KSR2: variants seen among roughly 807,000 people sequenced by gnomAD.
KSR2 encodes the protein kinase suppressor of ras 2.
In KSR2, 25 loss-of-function variants were observed where a neutral mutation model predicts 107.8. That is an observed-to-expected ratio of 0.23 (90% confidence interval 0.17 to 0.32). The LOEUF (loss-of-function observed/expected upper bound fraction) is 0.32, where lower values mean the gene tolerates loss of function less well. KSR2 is among the 10% of genes least tolerant of loss of function. KSR2 has a pLI of 1.00. For missense variants in KSR2, 887 were observed against 1,268.9 expected, an observed-to-expected ratio of 0.70 and a Z score of 4.57; for synonymous variants, 480 against 507.0, an observed-to-expected ratio of 0.95 and a Z score of 0.71.
intron 5 of KSR2, among the ~76,000 whole-genome samples, chr12:117,594,403 T>C (rs1298146479): frequency 1.3e-5 from 2 of 152,224 alleles, no homozygotes; most frequent in African/African-American, 4.8e-5. Flanking sequence ...TCCGAAGAGA[T>C]GTCACACTGT....
At chr12:117,471,974 T>C (rs935891276) in intron 17 of KSR2, among the ~76,000 whole-genome samples, 1 of 151,942 alleles carries the variant, frequency 6.6e-6, no homozygotes, top group African/African-American at 2.4e-5. Flanking sequence ...TTTTCTTTTA[T>C]ACTTGTCCTT....
intron 12 of KSR2, 37 bp downstream of exon 12, chr12:117,530,904 G>T (rs374894963): frequency 6.3e-7 from 1 of 1,583,804 alleles, no homozygotes; most frequent in Non-Finnish European, 8.7e-7. Flanking sequence ...GGGCTGGGAA[G>T]CTTGGGAAAG....
rs1376612614 is a variant in KSR2, at chr12:117,897,371, T to C, written c.181-36940A>G. ...GACCCAGCAAGTCTGAGATCTCGGC[T>C]TCTTTTAAGAAAAAAAGAAAGCGCT... On this transcript the variant is annotated intron_variant, in intron 1 of 19. Coordinates refer to ENST00000339824, the MANE Select transcript of KSR2 (RefSeq NM_173598.6). This position sits in a 1 kb window ranked among gnomAD's most constrained non-coding sequence, Gnocchi z 4.5. Among the ~76,000 whole-genome samples the C allele has an allele frequency of 6.6e-6, 1 of 152,154 alleles. No homozygotes were observed. Among genetic ancestry groups the C allele is most frequent in the Non-Finnish European group, 1.5e-5 (1 of 68,026 alleles).
intron 4 of KSR2, among the ~76,000 whole-genome samples, chr12:117,732,797 A>G (rs2136741400): frequency 6.6e-6 from 1 of 152,308 alleles, no homozygotes; most frequent in Admixed American, 6.5e-5. Context: ...ACCAGTGACC[A>G]GACAGCCCCT....
intron 5 of KSR2, among the ~76,000 whole-genome samples, chr12:117,644,287 A>C (rs1395064020): frequency 6.6e-6 from 1 of 152,172 alleles, no homozygotes; most frequent in Non-Finnish European, 1.5e-5. Context: ...ACAGTCTAAA[A>C]CCTGTTTTTA....
intron 5 of KSR2, among the ~76,000 whole-genome samples, chr12:117,588,653 CAG>C (rs1880145010): frequency 6.6e-6 from 1 of 152,220 alleles, no homozygotes; most frequent in Non-Finnish European, 1.5e-5. Context: ...TTATCAGACT[CAG>C]AGCAAATCTG....
chr12:117,703,345 G>T (rs55921288), intron 4 of KSR2, among the ~76,000 whole-genome samples: 1 of 151,964 alleles, frequency 6.6e-6, no homozygotes, highest in African/African-American at 2.4e-5. Flanking sequence ...GAGGTGCCTA[G>T]GATACTAAAT....
chr12:117,915,421 T>C (rs1420499119), intron 1 of KSR2, among the ~76,000 whole-genome samples: 3 of 152,226 alleles, frequency 2.0e-5, no homozygotes, highest in Non-Finnish European at 4.4e-5. Context: ...AGAATTTCCA[T>C]ATGTAAATTT....
At chr12:117,892,885 C>G (rs993956264) in intron 1 of KSR2, among the ~76,000 whole-genome samples, 2 of 151,392 alleles carry the variant, frequency 1.3e-5, no homozygotes, top group African/African-American at 4.9e-5. Context: ...AAATGCAGGA[C>G]TGTGGCTGCC....
At chr12:117,653,903 C>T (rs904323656) in intron 5 of KSR2, among the ~76,000 whole-genome samples, 2 of 152,176 alleles carry the variant, frequency 1.3e-5, no homozygotes, top group Non-Finnish European at 2.9e-5. Flanking sequence ...GCTGCTCTGC[C>T]ACTTGGGCCA....
chr12:117,595,610 G>T (rs578145886), intron 5 of KSR2, among the ~76,000 whole-genome samples: 1 of 151,982 alleles, frequency 6.6e-6, no homozygotes, highest in Admixed American at 6.6e-5. Context: ...TGATCCACCC[G>T]CCTCGGCCTC....
At chr12:117,961,374 T>A (rs1896652353) in intron 1 of KSR2, among the ~76,000 whole-genome samples, 1 of 152,098 alleles carries the variant, frequency 6.6e-6, no homozygotes, top group Non-Finnish European at 1.5e-5. Flanking sequence ...GAAAAAGACA[T>A]TTAGGGGTCT....
chr12:117,805,179 C>T (rs910755021), intron 3 of KSR2, among the ~76,000 whole-genome samples: 3 of 152,198 alleles, frequency 2.0e-5, no homozygotes, highest in South Asian at 2.1e-4. Flanking sequence ...TGAAGTCAAC[C>T]ACAGCTCTTT....
At chr12:117,725,392 G>A (rs1426763853) in intron 4 of KSR2, among the ~76,000 whole-genome samples, 2 of 152,122 alleles carry the variant, frequency 1.3e-5, no homozygotes, top group Non-Finnish European at 1.5e-5. Flanking sequence ...CATGCATATG[G>A]CCAACTTACA....
At chr12:117,779,514 T>C (rs1040009370) in intron 3 of KSR2, among the ~76,000 whole-genome samples, 76 of 152,200 alleles carry the variant, frequency 5.0e-4, no homozygotes, top group African/African-American at 1.8e-3. Flanking sequence ...TTTGTTACTA[T>C]TTGATATGGT....
intron 3 of KSR2, among the ~76,000 whole-genome samples, chr12:117,796,683 G>C (rs1354804013): frequency 6.6e-6 from 1 of 152,172 alleles, no homozygotes; most frequent in Non-Finnish European, 1.5e-5. Context: ...CCAGAGTAGA[G>C]GGGATGATAA....
Position 117,667,549 on chromosome 12 carries a change from G to T in KSR2, c.1096C>A (p.Arg366Ser). The T allele has an allele frequency of 6.2e-7, 1 of 1,613,146 alleles. No individual in the cohort carries two copies. The highest frequency in any genetic ancestry group is 8.5e-7 in the Non-Finnish European group (1 of 1,179,642). The change falls in exon 5 of 20, where the codon CGC becomes AGC. Residue 366 changes from arginine to serine, a missense_variant. Physicochemically the swap from Arg to Ser is moderately radical, Grantham distance 110. Around this residue, in one of 8 missense-constraint regions of KSR2, gnomAD observed 399 missense variants for 479.5 expected, o/e 0.83. Transcript: ENST00000339824. The part of the protein sequence containing the change: ...RSPLLSERSL[R>S]SFFVGHAPFL... ...GGTGCGTGTCCCACAAAGAAGGAGC[G>T]GAGGGAGCGCTCGGACAGCAGCGGG...
chr12:117,968,304 A>AT lies in KSR2; in HGVS notation c.-50_-49insA. On this transcript the variant is annotated 5_prime_UTR_variant, in exon 1 of 20. Transcript: ENST00000339824. Reference sequence around the variant, plus strand: ...CCTCCTCCTCCTCCCAGAGAGAAAAAAGAGGGGGGGGAGTAGAGGTAGTCT... The same window carrying AT: ...CCTCCTCCTCCTCCCAGAGAGAAAAATAGAGGGGGGGGAGTAGAGGTAGTCT... 2 of 680,634 alleles carry AT rather than the reference A, an allele frequency of 2.9e-6. No homozygotes were observed. Among genetic ancestry groups the AT allele is most frequent in the Non-Finnish European group, 3.8e-6 (2 of 526,554 alleles). 42.2% of individuals were successfully genotyped at this position (680,634 alleles called of 1,614,324 possible).
chr12:117,553,707 T>A (rs1358107135), intron 9 of KSR2, among the ~76,000 whole-genome samples: 1 of 152,128 alleles, frequency 6.6e-6, no homozygotes. Context: ...GTCACAGGGG[T>A]GGATCCCTCA....
Sources: allele counts gnomAD v4.1 joint callset (sites outside exome capture counted in the v4.1 genomes callset), GRCh38; gene constraint gnomAD v4.1.1; regional missense constraint gnomAD v4.1.1; non-coding constraint Gnocchi (gnomAD v3.1); transcripts MANE v1.5; gene names NCBI Gene and HGNC (gene_info 2026-07-23, HGNC 2026-07-21).